The following SYNPO2 variants were observed in gnomAD, a reference collection of about 807,000 sequenced individuals.
SYNPO2 encodes synaptopodin 2.
In SYNPO2, 56 loss-of-function variants were observed where a neutral mutation model predicts 85.0. The observed-to-expected ratio is 0.66, with a 90% CI of 0.53 to 0.82. The LOEUF is 0.82. SYNPO2 is among the 40% of genes least tolerant of loss of function. The pLI, the probability that SYNPO2 is intolerant of heterozygous loss-of-function variation, is 0.00. For synonymous variants in SYNPO2, 602 were observed against 591.1 expected (o/e 1.02, Z -0.27); for missense variants, 1,575 against 1,534.2 (o/e 1.03, Z -0.44).
At chr4:118,857,791 A>G (rs1188004366) in intron 1 of SYNPO2, among the ~76,000 whole-genome samples, 1 of 152,218 alleles carries the variant, frequency 6.6e-6, no homozygotes, top group Non-Finnish European at 1.5e-5. Context: ...AATAGCTTTG[A>G]CCATTTAGAT....
chr4:119,039,000 A>G (rs936451002), intron 4 of SYNPO2, among the ~76,000 whole-genome samples: 6 of 152,198 alleles, frequency 3.9e-5, no homozygotes, highest in South Asian at 2.1e-4. Flanking sequence ...CCCATCACCA[A>G]CTTCAAAAAA....
At chr4:119,021,824 G>A (rs890395315) in intron 1 of SYNPO2, among the ~76,000 whole-genome samples, 1 of 152,132 alleles carries the variant, frequency 6.6e-6, no homozygotes, top group Non-Finnish European at 1.5e-5. Context: ...TAGAGGGGCA[G>A]GCTGACAGGA....
intron 1 of SYNPO2, among the ~76,000 whole-genome samples, chr4:118,876,731 T>TTC (rs1553934694): frequency 1.0e-5 from 1 of 96,868 alleles, no homozygotes; most frequent in East Asian, 3.2e-4. Context: ...CTTTCTTTCT[T>TTC]TCTTTCTGCC....
At chr4:118,879,122 C>G (rs538524925) in intron 1 of SYNPO2, among the ~76,000 whole-genome samples, 3 of 152,160 alleles carry the variant, frequency 2.0e-5, no homozygotes, top group Admixed American at 6.5e-5. Context: ...CCACAGAACT[C>G]GCCAGAAGGA....
chr4:118,955,540 G>A (rs1288118334), intron 1 of SYNPO2, among the ~76,000 whole-genome samples: 2 of 152,112 alleles, frequency 1.3e-5, no homozygotes, highest in African/African-American at 2.4e-5. Flanking sequence ...ATTGAATTGG[G>A]CCTTCTAAAG....
chr4:119,006,318 G>A (rs1331594890), intron 1 of SYNPO2: 1 of 152,180 alleles, frequency 6.6e-6, no homozygotes, highest in Non-Finnish European at 1.5e-5. Flanking sequence ...TCTTTTACGA[G>A]AACACAAAGT....
At chr4:118,863,773 G>A (rs1193358349) in intron 1 of SYNPO2, among the ~76,000 whole-genome samples, 1 of 151,908 alleles carries the variant, frequency 6.6e-6, no homozygotes, top group Non-Finnish European at 1.5e-5. Context: ...CATCACACCC[G>A]GTTAATTTTT....
At chr4:119,022,107 T>C (rs1737744709) in intron 1 of SYNPO2, among the ~76,000 whole-genome samples, 1 of 152,174 alleles carries the variant, frequency 6.6e-6, no homozygotes, top group Admixed American at 6.5e-5. Flanking sequence ...CTTTGACATA[T>C]TCCCTAATAT....
chr4:118,964,317 C>T (rs1735222550), intron 1 of SYNPO2, among the ~76,000 whole-genome samples: 1 of 150,160 alleles, frequency 6.7e-6, no homozygotes, highest in Non-Finnish European at 1.5e-5. Context: ...CACACACACA[C>T]ACACACACAC....
chr4:119,009,749 G>A (rs1578639481), intron 1 of SYNPO2, among the ~76,000 whole-genome samples: 1 of 152,162 alleles, frequency 6.6e-6, no homozygotes, highest in Non-Finnish European at 1.5e-5. Context: ...CCCTAAGAAA[G>A]CCTGATATTC....
chr4:119,034,740 T>G (rs1169697649), intron 4 of SYNPO2: 31 of 985,398 alleles, frequency 3.1e-5, no homozygotes, highest in Non-Finnish European at 3.7e-5. Context: ...AAGAGGAATT[T>G]GCTTTCCCTG....
intron 1 of SYNPO2, among the ~76,000 whole-genome samples, chr4:118,945,430 A>G (rs911730882): frequency 6.6e-6 from 1 of 152,210 alleles, no homozygotes; most frequent in African/African-American, 2.4e-5. Flanking sequence ...CACACTAACT[A>G]TATCTTAGGC....
Position 118,937,405 on chromosome 4 carries a change from G to A in SYNPO2, c.105+48264G>A, listed in dbSNP as rs145052386. ...TCATCATTAATTCTCAACCAGTGTC[G>A]TTTAGTCTCCATTCTTCCCTAACAG... On this transcript the variant is annotated intron_variant, in intron 1 of 4. Coordinates refer to ENST00000307142, the MANE Select transcript of SYNPO2 (RefSeq NM_133477.3). 3.9e-4 allele frequency among the ~76,000 whole-genome samples: 60 copies of A among 152,180 alleles called. No individual in the cohort carries two copies. The East Asian group carries it at 0.01, about 26-fold the overall frequency.
chr4:118,885,595 C>T (rs1187502838), upstream of SYNPO2, among the ~76,000 whole-genome samples: 1 of 151,970 alleles, frequency 6.6e-6, no homozygotes. Context: ...GCCTCAGCCT[C>T]CCGAGTAGCT....
chr4:118,965,479 TC>T (rs772732286), intron 1 of SYNPO2, among the ~76,000 whole-genome samples: 26 of 152,144 alleles, frequency 1.7e-4, no homozygotes, highest in Non-Finnish European at 3.4e-4. Flanking sequence ...TTTTCATGCA[TC>T]CCCCAAATTC....
At chr4:118,903,732 A>G (rs1578535052) in intron 1 of SYNPO2, among the ~76,000 whole-genome samples, 1 of 135,540 alleles carries the variant, frequency 7.4e-6, no homozygotes, top group African/African-American at 2.6e-5. Context: ...TTTTTTTTTT[A>G]GACGGAATCT....
chr4:118,897,318 C>CTG (rs1251448537), intron 1 of SYNPO2, among the ~76,000 whole-genome samples: 2 of 152,112 alleles, frequency 1.3e-5, no homozygotes, highest in African/African-American at 4.8e-5. Context: ...TTCCCTCCCT[C>CTG]AACATGTGAG....
At chr4:118,938,205 G>T (rs1734179403) in intron 1 of SYNPO2, among the ~76,000 whole-genome samples, 2 of 152,122 alleles carry the variant, frequency 1.3e-5, no homozygotes, top group Non-Finnish European at 2.9e-5. Context: ...TGCAGTCCCG[G>T]CTATTTGGGA....
intron 1 of SYNPO2, among the ~76,000 whole-genome samples, chr4:118,980,332 G>A (rs1194700121): frequency 6.6e-6 from 1 of 151,988 alleles, no homozygotes; most frequent in African/African-American, 2.4e-5. Context: ...GACCTTCTCC[G>A]GACTATTCCT....
Sources: gnomAD v4.1 joint callset for allele counts (sites outside exome capture counted in the v4.1 genomes callset) on GRCh38, gnomAD v4.1.1 for gene constraint, MANE v1.5 for transcripts, NCBI Gene and HGNC (gene_info 2026-07-23, HGNC 2026-07-21) for gene names.